CDH6: variants seen among roughly 807,000 people sequenced by gnomAD.
CDH6 encodes the protein cadherin-6.
CDH6 carries 31 observed loss-of-function variants against 78.0 expected under a neutral mutation model. The observed-to-expected ratio is 0.40, with a 90% CI of 0.30 to 0.54. The LOEUF (loss-of-function observed/expected upper bound fraction) is 0.54, where lower values mean the gene tolerates loss of function less well. Ranked by LOEUF, CDH6 falls within the 20% of genes least tolerant of loss-of-function variation. CDH6 has a pLI of 0.56. For synonymous variants in CDH6, 376 were observed against 368.8 expected (o/e 1.02, Z -0.23); for missense variants, 724 against 975.9 (o/e 0.74, Z 3.44).
chr5:31,307,225 A>C (rs1166921213), intron 7 of CDH6, among the ~76,000 whole-genome samples: 2 of 152,236 alleles, frequency 1.3e-5, no homozygotes, highest in African/African-American at 2.4e-5. Context: ...AGAGTTAACT[A>C]ATCTAAAACT....
intron 6 of CDH6, among the ~76,000 whole-genome samples, chr5:31,302,903 A>AAAAGAAGAAAGAAAG (rs1737842771): frequency 2.2e-5 from 2 of 90,424 alleles, no homozygotes; most frequent in South Asian, 4.2e-4. Flanking sequence ...AAGAAAGAAA[A>AAAAGAAGAAAGAAAG]AAAGAAAGAA....
At chr5:31,305,468 G>A in intron 7 of CDH6, 41 bp downstream of exon 7, 1 of 1,575,664 alleles carries the variant, frequency 6.3e-7, no homozygotes, top group East Asian at 2.2e-5. Context: ...ATAAGCTTCA[G>A]TCAATTTATA....
At chr5:31,216,789 C>T (rs1332443204) in intron 1 of CDH6, among the ~76,000 whole-genome samples, 2 of 151,668 alleles carry the variant, frequency 1.3e-5, no homozygotes, top group African/African-American at 4.9e-5. Flanking sequence ...TAATAAATGG[C>T]AGTTTGACTC....
intron 1 of CDH6, among the ~76,000 whole-genome samples, chr5:31,256,893 A>G (rs1402023371): frequency 6.6e-6 from 1 of 152,194 alleles, no homozygotes; most frequent in Non-Finnish European, 1.5e-5. Context: ...TATACATGAG[A>G]AACAAGAGCC....
intron 6 of CDH6, among the ~76,000 whole-genome samples, chr5:31,304,728 A>G (rs1737931521): frequency 6.6e-6 from 1 of 150,472 alleles, no homozygotes; most frequent in Non-Finnish European, 1.5e-5. Context: ...AACATCTGAC[A>G]TGGAATAACC....
intron 1 of CDH6, among the ~76,000 whole-genome samples, chr5:31,203,617 T>C (rs1211067043): frequency 2.0e-5 from 3 of 150,748 alleles, no homozygotes; most frequent in Non-Finnish European, 4.4e-5. Flanking sequence ...ATGGTGTATA[T>C]GTGCCACATT....
intron 1 of CDH6, among the ~76,000 whole-genome samples, chr5:31,200,163 A>G (rs1466424871): frequency 1.3e-5 from 2 of 152,198 alleles, no homozygotes; most frequent in African/African-American, 4.8e-5. Context: ...GTCAGAATTT[A>G]TAATTGTAGT....
intron 1 of CDH6, among the ~76,000 whole-genome samples, chr5:31,214,563 G>T (rs1740812487): frequency 6.6e-6 from 1 of 152,154 alleles, no homozygotes; most frequent in South Asian, 2.1e-4. Context: ...GGATCAGAAA[G>T]AAATTATGTT....
At chr5:31,302,751 GAGAAAGAAAGAA>G (rs67658592) in intron 6 of CDH6, among the ~76,000 whole-genome samples, 1 of 54,008 alleles carries the variant, frequency 1.9e-5, no homozygotes, top group African/African-American at 4.4e-5. Context: ...AGGAAGGAAG[GAGAAAGAAAGAA>G]AGAAAGAAAG....
Position 31,232,825 on chromosome 5 carries a change from T to C in CDH6, c.-128-34521T>C, listed in dbSNP as rs114265855. ...ATATGGCACTTATGCTATTGCCACA[T>C]GTACCATACACCAGGCATTGTTCTA... On this transcript the variant is annotated intron_variant, in intron 1 of 11. Coordinates refer to ENST00000265071, the MANE Select transcript of CDH6 (RefSeq NM_004932.4). 5.5e-3 allele frequency among the ~76,000 whole-genome samples: 837 copies of C among 152,348 alleles called. 5 individuals are homozygous for C. The highest frequency in any genetic ancestry group is 0.019 in the African/African-American group (794 of 41,594).
intron 2 of CDH6, among the ~76,000 whole-genome samples, chr5:31,274,035 A>C (rs1160503954): frequency 6.6e-6 from 1 of 152,186 alleles, no homozygotes. Flanking sequence ...TCTCGTCTTC[A>C]TCATTTAAAT....
At chr5:31,273,553 A>G (rs1422120594) in intron 2 of CDH6, among the ~76,000 whole-genome samples, 1 of 152,136 alleles carries the variant, frequency 6.6e-6, no homozygotes, top group Non-Finnish European at 1.5e-5. Flanking sequence ...ACCCCGACAG[A>G]CGATACTGTC....
At chr5:31,239,816 C>T (rs996755759) in intron 1 of CDH6, among the ~76,000 whole-genome samples, 1 of 152,144 alleles carries the variant, frequency 6.6e-6, no homozygotes, top group African/African-American at 2.4e-5. Flanking sequence ...CTCTTTAGTA[C>T]AGGGATGAAA....
At chr5:31,202,830 T>TAC (rs1163426365) in intron 1 of CDH6, among the ~76,000 whole-genome samples, 2 of 151,658 alleles carry the variant, frequency 1.3e-5, no homozygotes, top group Non-Finnish European at 2.9e-5. Flanking sequence ...TATGTATATA[T>TAC]ACACACACAT....
intron 11 of CDH6, chr5:31,318,288 T>A (rs1037297222): frequency 4.1e-6 from 2 of 482,130 alleles, no homozygotes; most frequent in Non-Finnish European, 7.4e-6. Context: ...GCATGGAGTG[T>A]ATGATGAGGG....
At chr5:31,271,553 A>G (rs1742531974) in intron 2 of CDH6, among the ~76,000 whole-genome samples, 1 of 152,242 alleles carries the variant, frequency 6.6e-6, no homozygotes, top group African/African-American at 2.4e-5. Context: ...TTTATAAGAA[A>G]ATGTCAACAA....
At chr5:31,199,653 G>A (rs1244605307) in intron 1 of CDH6, among the ~76,000 whole-genome samples, 2 of 123,180 alleles carry the variant, frequency 1.6e-5, no homozygotes, top group Non-Finnish European at 3.4e-5. Flanking sequence ...GTGTGTGTGT[G>A]TATGTGTGTG....
intron 2 of CDH6, among the ~76,000 whole-genome samples, chr5:31,284,479 T>C (rs919821767): frequency 1.3e-5 from 2 of 152,236 alleles, no homozygotes; most frequent in Non-Finnish European, 2.9e-5. Flanking sequence ...TTTTTCCCAC[T>C]TGCCCTGGGG....
intron 1 of CDH6, among the ~76,000 whole-genome samples, chr5:31,212,111 C>A (rs1477543484): frequency 1.3e-5 from 2 of 152,214 alleles, no homozygotes; most frequent in African/African-American, 2.4e-5. Flanking sequence ...TTGGACATTT[C>A]TCTCGTGCAG....
Sources: allele counts gnomAD v4.1 joint callset (sites outside exome capture counted in the v4.1 genomes callset), GRCh38; gene constraint gnomAD v4.1.1; transcripts MANE v1.5; gene names NCBI Gene and HGNC (gene_info 2026-07-23, HGNC 2026-07-21).